TMCC2: variants seen among roughly 807,000 people sequenced by gnomAD.
TMCC2 encodes the protein transmembrane and coiled-coil domains protein 2.
In TMCC2, 16 loss-of-function variants were observed where a neutral mutation model predicts 49.4. That is an observed-to-expected ratio of 0.32 (90% CI 0.22 to 0.49). The LOEUF (loss-of-function observed/expected upper bound fraction) is 0.49. TMCC2 is among the 20% of genes least tolerant of loss of function. TMCC2 has a pLI of 0.99. For missense variants in TMCC2, 762 were observed against 989.8 expected, an observed-to-expected ratio of 0.77 and a Z score of 3.09; for synonymous variants, 397 against 434.1, an observed-to-expected ratio of 0.91 and a Z score of 1.06.
At chr1:205,245,380 AAG>A (rs1003089341) in intron 2 of TMCC2, among the ~76,000 whole-genome samples, 8 of 152,174 alleles carry the variant, frequency 5.3e-5, no homozygotes, top group African/African-American at 1.9e-4. Context: ...GGGCGGATGA[AAG>A]AGAAGACAGT....
intron 2 of TMCC2, among the ~76,000 whole-genome samples, chr1:205,251,041 T>A (rs1476524178): frequency 6.6e-6 from 1 of 152,182 alleles, no homozygotes; most frequent in Non-Finnish European, 1.5e-5. Flanking sequence ...GCAATGGATA[T>A]ACAGCATCAT....
chr1:205,230,185 C>A, intron 1 of TMCC2: 1 of 985,334 alleles, frequency 1.0e-6, no homozygotes. Flanking sequence ...TGTGTGTGCT[C>A]TTACCTGTGT....
chr1:205,245,527 C>CA (rs1660422061), intron 2 of TMCC2, among the ~76,000 whole-genome samples: 1 of 152,212 alleles, frequency 6.6e-6, no homozygotes, highest in African/African-American at 2.4e-5. Flanking sequence ...CTTAGATGAT[C>CA]ACCAGAGCAG....
chr1:205,246,561 G>C, intron 2 of TMCC2: 1 of 1,547,220 alleles, frequency 6.5e-7, no homozygotes, highest in Admixed American at 2.0e-5. Flanking sequence ...AGCTCTGCAC[G>C]CGTTGGCTAA....
chr1:205,244,903 A>T (rs1362557379), intron 2 of TMCC2, among the ~76,000 whole-genome samples: 1 of 151,822 alleles, frequency 6.6e-6, no homozygotes, highest in Non-Finnish European at 1.5e-5. Flanking sequence ...GAGACAGGAG[A>T]GGGCATTGGA....
At chr1:205,265,806 G>T (rs1207905780) in intron 2 of TMCC2, among the ~76,000 whole-genome samples, 5 of 150,624 alleles carry the variant, frequency 3.3e-5, no homozygotes, top group Non-Finnish European at 7.4e-5. Context: ...TGATCCACCC[G>T]CCTCAGCCTC....
chr1:205,229,562 TGGCGGG>T, intron 1 of TMCC2: 2 of 453,640 alleles, frequency 4.4e-6, no homozygotes, highest in Non-Finnish European at 4.8e-6. Flanking sequence ...GGGGGGGTGG[TGGCGGG>T]GGCGGGGGGG....
chr1:205,255,116 T>C (rs897041765), intron 2 of TMCC2, among the ~76,000 whole-genome samples: 1 of 151,564 alleles, frequency 6.6e-6, no homozygotes, highest in Non-Finnish European at 1.5e-5. Flanking sequence ...GGTGGGAGGA[T>C]TGCTTGAGCC....
At chr1:205,236,636 A>C (rs1660060914) in intron 1 of TMCC2, 1 of 152,260 alleles carries the variant, frequency 6.6e-6, no homozygotes, top group African/African-American at 2.4e-5. Context: ...GCAGGTGAGA[A>C]GTTGGATAAC....
Position 205,241,688 on chromosome 1 carries a change from C to T in TMCC2, c.391C>T (p.Arg131Cys), listed in dbSNP as rs745631951. ...DEKERSPEMH[R>C]VSYAMSLHDL... Reference sequence around the variant, plus strand: ...GAAGGAGCGCTCTCCGGAGATGCATCGCGTCTCCTACGCCATGTCCCTGCA... The same window carrying T: ...GAAGGAGCGCTCTCCGGAGATGCATTGCGTCTCCTACGCCATGTCCCTGCA... The change falls in exon 2 of 5, where the codon CGC becomes TGC. Residue 131 changes from arginine to cysteine, a missense_variant. Arg to Cys is a radical substitution (Grantham distance 180). Transcript: ENST00000358024. This position sits in a 1 kb window ranked among gnomAD's most constrained non-coding sequence, Gnocchi z 7.3. 7 of 1,613,624 alleles carry T rather than the reference C, an allele frequency of 4.3e-6. No homozygotes were observed. Among genetic ancestry groups the T allele is most frequent in the African/African-American group, 1.3e-5 (1 of 74,928 alleles).
chr1:205,257,171 G>A lies in TMCC2; in HGVS notation c.748-11779G>A, dbSNP rs958760460. On this transcript the variant is annotated intron_variant, in intron 2 of 4. Transcript: ENST00000358024. ...AGGGGGAAATCTCCTAGAGCAATCC[G>A]CCCCTAATCCCCAGGCTGTGCCTCA... 2.7e-5 allele frequency: 33 copies of A among 1,232,348 alleles called. No homozygotes were observed. In the Admixed American group the frequency reaches 7.2e-4, roughly 27 times the overall value. 76.3% of individuals were successfully genotyped at this position (1,232,348 alleles called of 1,614,324 possible). A position where few individuals can be genotyped will look rare whatever the true frequency, so the allele number is the denominator to read the frequency against.
chr1:205,263,376 TG>T (rs760251662), intron 2 of TMCC2, among the ~76,000 whole-genome samples: 33 of 152,288 alleles, frequency 2.2e-4, no homozygotes, highest in Non-Finnish European at 4.0e-4. Flanking sequence ...TCTTTTTCCT[TG>T]CTCTCTCAGG....
chr1:205,240,224 G>A (rs1036369470), intron 1 of TMCC2, among the ~76,000 whole-genome samples: 2 of 152,220 alleles, frequency 1.3e-5, no homozygotes, highest in Admixed American at 6.5e-5. Flanking sequence ...CGGATAAGCC[G>A]TCCCCTGACA....
chr1:205,246,545 G>A (rs1482982860), intron 2 of TMCC2: 1 of 1,539,140 alleles, frequency 6.5e-7, no homozygotes, highest in Non-Finnish European at 8.8e-7. Context: ...TGTTCTCAGA[G>A]TGAGGAGCTC....
Position 205,241,393 on chromosome 1 carries a change from C to G in TMCC2, c.208-112C>G. On this transcript the variant is annotated intron_variant, in intron 1 of 4. Transcript: ENST00000358024. The surrounding 1 kb of genome is among the most constrained non-coding windows in gnomAD (Gnocchi z 7.3). ...ACAGAGATCTTCCAGGTTCAGATGGCTGCATTAGCTATGCCAGTCTACCAA... is the reference window on the plus strand; with the variant it reads ...ACAGAGATCTTCCAGGTTCAGATGGGTGCATTAGCTATGCCAGTCTACCAA... 1 of 1,171,094 alleles carries G rather than the reference C, an allele frequency of 8.5e-7. No individual in the cohort carries two copies. Among genetic ancestry groups the G allele is most frequent in the Non-Finnish European group, 1.2e-6 (1 of 834,702 alleles). 72.5% of individuals were successfully genotyped at this position (1,171,094 alleles called of 1,614,324 possible).
At position 205,244,383 on chromosome 1, in the gene TMCC2, C is replaced by T. The variant is rs573996010; in HGVS notation, c.747+2339C>T. On this transcript the variant is annotated intron_variant, in intron 2 of 4. Coordinates refer to ENST00000358024, the MANE Select transcript of TMCC2 (RefSeq NM_014858.4). ...AGCATCGTCCTTGGTCACAAAGAGT[C>T]ACCTCTGGGAGGCAGAAATGAATTC... is the stretch of plus-strand genomic sequence containing the variant. 9.3e-4 allele frequency among the ~76,000 whole-genome samples: 141 copies of T among 152,306 alleles called. 1 individual carries two copies. Among genetic ancestry groups the T allele is most frequent in the African/African-American group, 3.2e-3 (135 of 41,562 alleles).
At chr1:205,263,206 C>A (rs187295913) in intron 2 of TMCC2, among the ~76,000 whole-genome samples, 1 of 152,150 alleles carries the variant, frequency 6.6e-6, no homozygotes, top group Non-Finnish European at 1.5e-5. Context: ...TGCATGGAGA[C>A]CAGTGAGATT....
chr1:205,272,252 G>T lies in TMCC2; in HGVS notation c.*128G>T. Reference sequence around the variant, plus strand: ...CAAACTGTCCATTCCAGCAGCTCCTGCCCCCTTCTCTGTACTTGCTTCTGT... The same window carrying T: ...CAAACTGTCCATTCCAGCAGCTCCTTCCCCCTTCTCTGTACTTGCTTCTGT... On this transcript the variant is annotated 3_prime_UTR_variant, in exon 5 of 5. Coordinates refer to ENST00000358024, the MANE Select transcript of TMCC2 (RefSeq NM_014858.4). The T allele has an allele frequency of 6.9e-7, 1 of 1,449,352 alleles. No individual in the cohort carries two copies. 89.8% of individuals were successfully genotyped at this position (1,449,352 alleles called of 1,614,324 possible).
chr1:205,245,633 T>C (rs1660424902), intron 2 of TMCC2, among the ~76,000 whole-genome samples: 1 of 152,210 alleles, frequency 6.6e-6, no homozygotes, highest in South Asian at 2.1e-4. Flanking sequence ...GTTTGGATGT[T>C]CATTCATTCA....
Sources: gnomAD v4.1 joint callset for allele counts (sites outside exome capture counted in the v4.1 genomes callset) on GRCh38, gnomAD v4.1.1 for gene constraint, Gnocchi (gnomAD v3.1) non-coding constraint, MANE v1.5 for transcripts, NCBI Gene and HGNC (gene_info 2026-07-23, HGNC 2026-07-21) for gene names.